EPHB1: variants seen among roughly 807,000 people sequenced by gnomAD.
EPHB1 encodes the protein EPH receptor B1.
In EPHB1, 30 loss-of-function variants were observed where a neutral mutation model predicts 94.4. That is an observed-to-expected ratio of 0.32 (90% CI 0.24 to 0.43). EPHB1 has a LOEUF of 0.43. EPHB1 is among the 20% of genes least tolerant of loss of function. The probability of loss-of-function intolerance (pLI) is 1.00; values close to 1 mark genes in which losing one functional copy is unlikely to be tolerated. For missense variants in EPHB1, 1,055 were observed against 1,308.3 expected (o/e 0.81, Z 2.99); for synonymous variants, 522 against 489.1 (o/e 1.07, Z -0.89).
chr3:134,825,826 A>G (rs1469420106), intron 1 of EPHB1, among the ~76,000 whole-genome samples: 1 of 152,160 alleles, frequency 6.6e-6, no homozygotes, highest in Non-Finnish European at 1.5e-5. Context: ...AAGAAGGATT[A>G]AATTTCCCCC....
At chr3:134,863,364 A>G (rs2037307062) in intron 1 of EPHB1, among the ~76,000 whole-genome samples, 1 of 152,188 alleles carries the variant, frequency 6.6e-6, no homozygotes, top group Admixed American at 6.5e-5. Context: ...AGTTTAAGTT[A>G]AGAAATAGGA....
chr3:135,150,306 T>A (rs1471497621), intron 5 of EPHB1, among the ~76,000 whole-genome samples: 1 of 152,214 alleles, frequency 6.6e-6, no homozygotes, highest in Non-Finnish European at 1.5e-5. Flanking sequence ...AGTCACAGCG[T>A]GCAGTGGAAG....
intron 12 of EPHB1, among the ~76,000 whole-genome samples, chr3:135,214,415 A>G (rs1386985793): frequency 6.6e-6 from 1 of 152,196 alleles, no homozygotes; most frequent in Non-Finnish European, 1.5e-5. Context: ...CTAGGGCACC[A>G]GGCATGAAGG....
At chr3:135,105,887 T>C (rs1385314208) in intron 3 of EPHB1, among the ~76,000 whole-genome samples, 1 of 152,234 alleles carries the variant, frequency 6.6e-6, no homozygotes, top group Non-Finnish European at 1.5e-5. Flanking sequence ...TTTTAAAGAA[T>C]CACTTATGAA....
intron 15 of EPHB1, among the ~76,000 whole-genome samples, chr3:135,256,503 T>G (rs1253729247): frequency 3.3e-5 from 5 of 152,178 alleles, no homozygotes; most frequent in Non-Finnish European, 5.9e-5. Flanking sequence ...GATATGAAAT[T>G]CTGGGTTGAA....
chr3:135,149,953 C>G (rs1394785897), intron 5 of EPHB1, among the ~76,000 whole-genome samples: 1 of 152,168 alleles, frequency 6.6e-6, no homozygotes, highest in Non-Finnish European at 1.5e-5. Flanking sequence ...GATCACTCTG[C>G]CCTGTGATTG....
intron 15 of EPHB1, among the ~76,000 whole-genome samples, chr3:135,257,727 G>A (rs1933465796): frequency 7.6e-6 from 1 of 131,982 alleles, no homozygotes. Flanking sequence ...AGGCCTCCTT[G>A]AGCTGGGCTC....
chr3:134,940,980 C>A (rs55944861), intron 2 of EPHB1, among the ~76,000 whole-genome samples: 6,350 of 152,176 alleles, frequency 0.042, 201 homozygotes, highest in African/African-American at 0.083. Flanking sequence ...CAACAGAGGC[C>A]AAAAAGCCTA....
intron 9 of EPHB1, among the ~76,000 whole-genome samples, chr3:135,179,038 C>T (rs1942073603): frequency 6.6e-6 from 1 of 152,022 alleles, no homozygotes; most frequent in African/African-American, 2.4e-5. Flanking sequence ...GTTCCCTCTC[C>T]TCTACTTTTT....
intron 1 of EPHB1, among the ~76,000 whole-genome samples, chr3:134,858,134 G>A (rs1426442267): frequency 1.3e-5 from 2 of 148,670 alleles, no homozygotes; most frequent in African/African-American, 5.0e-5. Flanking sequence ...GCTCTCAATG[G>A]CAAGTTTTAT....
At chr3:134,981,689 A>G (rs1359256122) in intron 3 of EPHB1, among the ~76,000 whole-genome samples, 1 of 152,064 alleles carries the variant, frequency 6.6e-6, no homozygotes, top group East Asian at 1.9e-4. Context: ...CCACCCACCC[A>G]CTTATCAAAT....
At chr3:135,176,744 T>G (rs560847696) in intron 9 of EPHB1, among the ~76,000 whole-genome samples, 48 of 152,338 alleles carry the variant, frequency 3.2e-4, no homozygotes, top group African/African-American at 1.1e-3. Context: ...GGCCAATATC[T>G]GTAAAACTCA....
At chr3:135,224,461 C>T (rs1222608470) in intron 12 of EPHB1, among the ~76,000 whole-genome samples, 1 of 152,156 alleles carries the variant, frequency 6.6e-6, no homozygotes, top group Non-Finnish European at 1.5e-5. Context: ...ACCTGATGTC[C>T]ATCTGTTCCT....
chr3:134,860,041 T>C (rs2037213707), intron 1 of EPHB1, among the ~76,000 whole-genome samples: 1 of 152,176 alleles, frequency 6.6e-6, no homozygotes, highest in African/African-American at 2.4e-5. Flanking sequence ...TTTTTTCATA[T>C]GGTTTTTTCT....
intron 9 of EPHB1, among the ~76,000 whole-genome samples, chr3:135,174,825 CAAAA>C (rs1941929748): frequency 6.6e-6 from 1 of 152,164 alleles, no homozygotes; most frequent in African/African-American, 2.4e-5. Flanking sequence ...GAATGAAGAA[CAAAA>C]AGCCACACTT....
chr3:135,179,750 G>A, intron 9 of EPHB1, 110 bp from the exon 10 acceptor site: 6 of 1,340,172 alleles, frequency 4.5e-6, no homozygotes, highest in East Asian at 2.4e-5. Context: ...GCAGCCTGGT[G>A]TGTAGGAGAG....
intron 1 of EPHB1, among the ~76,000 whole-genome samples, chr3:134,925,052 A>G (rs1474456084): frequency 6.6e-6 from 1 of 152,232 alleles, no homozygotes; most frequent in East Asian, 1.9e-4. Flanking sequence ...ATACATTTTA[A>G]ATATGTGCAG....
chr3:135,010,214 GGTAGA>G (rs368626429), intron 3 of EPHB1, among the ~76,000 whole-genome samples: 4 of 151,882 alleles, frequency 2.6e-5, no homozygotes, highest in East Asian at 1.9e-4. Flanking sequence ...AAGTTTTTTG[GGTAGA>G]GTAAAGATGA....
At chr3:134,829,455 G>A (rs557512016) in intron 1 of EPHB1, among the ~76,000 whole-genome samples, 11 of 152,186 alleles carry the variant, frequency 7.2e-5, no homozygotes, top group East Asian at 1.9e-4. Flanking sequence ...AGAACCCTGC[G>A]TCTCTGAGAA....
Sources: allele counts gnomAD v4.1 joint callset (sites outside exome capture counted in the v4.1 genomes callset), GRCh38; gene constraint gnomAD v4.1.1; transcripts MANE v1.5; gene names NCBI Gene and HGNC (gene_info 2026-07-23, HGNC 2026-07-21).